Variants in GTF2I observed in about 807,000 individuals in gnomAD.
GTF2I encodes the protein general transcription factor IIi, also known as general transcription factor II-I.
In GTF2I, 12 loss-of-function variants were observed where a neutral mutation model predicts 67.6. The observed-to-expected ratio is 0.18, with a 90% CI of 0.11 to 0.29. The LOEUF is 0.29. Among genes scored for constraint, GTF2I ranks in the 10% least tolerant of loss-of-function variants. The pLI, the probability that GTF2I is intolerant of heterozygous loss-of-function variation, is 1.00. For synonymous variants in GTF2I, 149 were observed against 197.0 expected (o/e 0.76, Z 2.04); for missense variants, 271 against 580.1 (o/e 0.47, Z 5.47).
rs138336623 is a variant in GTF2I at position 74,693,061 on chromosome 7, C to T, written c.238+1950C>T. ...ACAGGCATGAGCCACTGTGCCCGAC[C>T]GGGCATATCTCATTTTTTTTTTTTG... On this transcript the variant is annotated intron_variant, in intron 3 of 34. Transcript: ENST00000573035. Among the ~76,000 whole-genome samples, 33 of 152,104 alleles carry T rather than the reference C, an allele frequency of 2.2e-4. No homozygotes were observed. In the East Asian group the frequency reaches 5.4e-3, roughly 25 times the overall value.
intron 1 of GTF2I, among the ~76,000 whole-genome samples, chr7:74,660,621 C>T (rs1376718755): frequency 1.6e-4 from 20 of 124,510 alleles, no homozygotes; most frequent in East Asian, 4.6e-4. Context: ...CTTTTCTTTT[C>T]TTTTTTTTTT....
At chr7:74,677,502 T>A (rs1354423021) in intron 1 of GTF2I, among the ~76,000 whole-genome samples, 1 of 151,940 alleles carries the variant, frequency 6.6e-6, no homozygotes, top group Non-Finnish European at 1.5e-5. Flanking sequence ...TTAGTGGCTG[T>A]TAATAAAATG....
chr7:74,678,172 G>A (rs1263401111), intron 1 of GTF2I, among the ~76,000 whole-genome samples: 1 of 150,910 alleles, frequency 6.6e-6, no homozygotes, highest in Non-Finnish European at 1.5e-5. Flanking sequence ...CTCCTGTCTC[G>A]GCCTCCCAGA....
intron 3 of GTF2I, among the ~76,000 whole-genome samples, chr7:74,693,902 C>A (rs587618985): frequency 6.6e-6 from 1 of 152,166 alleles, no homozygotes; most frequent in South Asian, 2.1e-4. Flanking sequence ...TCTGAGTGTT[C>A]AAGTGAAAGG....
At chr7:74,724,298 GTTGA>G (rs1342697875) in intron 12 of GTF2I, among the ~76,000 whole-genome samples, 56 of 152,288 alleles carry the variant, frequency 3.7e-4, no homozygotes, top group African/African-American at 1.3e-3. Flanking sequence ...ATTACCTGGT[GTTGA>G]TTGTTTTTTT....
chr7:74,659,438 G>T (rs1331106812), intron 1 of GTF2I, among the ~76,000 whole-genome samples: 1 of 151,726 alleles, frequency 6.6e-6, no homozygotes, highest in Non-Finnish European at 1.5e-5. Flanking sequence ...GGCCCAGGCT[G>T]AAGTGCACTG....
chr7:74,673,704 A>G (rs1182040137), intron 1 of GTF2I, among the ~76,000 whole-genome samples: 5 of 116,752 alleles, frequency 4.3e-5, no homozygotes, highest in African/African-American at 1.7e-4. Context: ...TTTTTTTGAG[A>G]CCAGTCTTGC....
intron 1 of GTF2I, among the ~76,000 whole-genome samples, chr7:74,673,457 C>T (rs1244065882): frequency 6.6e-6 from 1 of 152,114 alleles, no homozygotes; most frequent in Admixed American, 6.6e-5. Flanking sequence ...CCTCAGCTCA[C>T]TGCAACCTCT....
intron 12 of GTF2I, among the ~76,000 whole-genome samples, chr7:74,724,039 A>G (rs1294395728): frequency 6.6e-6 from 1 of 152,134 alleles, no homozygotes; most frequent in Non-Finnish European, 1.5e-5. Flanking sequence ...TTTGCTGTTT[A>G]TTGTTTAATT....
intron 12 of GTF2I, among the ~76,000 whole-genome samples, chr7:74,723,147 G>A (rs1465527051): frequency 2.3e-5 from 3 of 131,984 alleles, no homozygotes; most frequent in African/African-American, 8.2e-5. Context: ...TTTTTGAGAC[G>A]GAGTTTCGCT....
rs781922581 is a variant in GTF2I at position 74,689,238 on chromosome 7, C to G, written c.99+11C>G. On this transcript the variant is annotated intron_variant, in intron 2 of 34. Transcript: ENST00000573035. Reference sequence around the variant, plus strand: ...GCTCTCGAGTCCATGGTGAGGCCTTCTGTTCCATCATTCCATAGTTGGGTA... The same window carrying G: ...GCTCTCGAGTCCATGGTGAGGCCTTGTGTTCCATCATTCCATAGTTGGGTA... 2.0e-6 allele frequency: 3 copies of G among 1,465,456 alleles called. No homozygotes were observed. Among genetic ancestry groups the G allele is most frequent in the Non-Finnish European group, 2.9e-6 (3 of 1,046,366 alleles). The allele number at this position is 1,465,456 out of a possible 1,614,324, so 90.8% of individuals were successfully genotyped here.
intron 1 of GTF2I, among the ~76,000 whole-genome samples, chr7:74,658,618 C>CG (rs1221319611): frequency 6.7e-6 from 1 of 148,528 alleles, no homozygotes; most frequent in African/African-American, 2.5e-5. Context: ...CCAACCGGCG[C>CG]GGGGGCGGGG....
intron 1 of GTF2I, among the ~76,000 whole-genome samples, chr7:74,687,276 G>C (rs1368311737): frequency 6.6e-6 from 1 of 152,072 alleles, no homozygotes; most frequent in East Asian, 1.9e-4. Flanking sequence ...CCAGGCTGGA[G>C]TGCAGCAGCG....
rs6460089 is a variant in GTF2I, at chr7:74,674,866, T to A, written c.-5-14258T>A. Among the ~76,000 whole-genome samples the A allele has an allele frequency of 8.0e-3, 1,186 of 147,654 alleles. 7 individuals are homozygous for A. Among genetic ancestry groups the A allele is most frequent in the Middle Eastern group, 0.015 (4 of 268 alleles). On this transcript the variant is annotated intron_variant, in intron 1 of 34. Coordinates refer to ENST00000573035, the MANE Select transcript of GTF2I (RefSeq NM_032999.4). ...CCAGCCCTCTAATATATATATATAT[T>A]TTTTTGAGACGGAGTTTCACTCTTT...
At chr7:74,706,546 C>A in intron 8 of GTF2I, 113 bp downstream of exon 8, 1 of 778,196 alleles carries the variant, frequency 1.3e-6, no homozygotes, top group Admixed American at 2.0e-5. Flanking sequence ...AAGAGGCAGT[C>A]ACTACTAATG....
intron 3 of GTF2I, among the ~76,000 whole-genome samples, chr7:74,697,496 C>T (rs956716127): frequency 6.6e-6 from 1 of 152,158 alleles, no homozygotes; most frequent in African/African-American, 2.4e-5. Flanking sequence ...TGAATTTGGA[C>T]CAGCCAAGTT....
chr7:74,659,373 G>T (rs907813220), intron 1 of GTF2I, among the ~76,000 whole-genome samples: 16 of 151,968 alleles, frequency 1.1e-4, no homozygotes, highest in African/African-American at 3.1e-4. Context: ...GACTACAGGC[G>T]CATGCCATCA....
intron 3 of GTF2I, among the ~76,000 whole-genome samples, chr7:74,693,334 G>A (rs1788543508): frequency 7.2e-6 from 1 of 139,612 alleles, no homozygotes; most frequent in Non-Finnish European, 1.5e-5. Context: ...GGAGTGCAGT[G>A]GTGCGATCTC....
intron 3 of GTF2I, among the ~76,000 whole-genome samples, chr7:74,695,860 C>A (rs976694272): frequency 6.6e-6 from 1 of 152,156 alleles, no homozygotes; most frequent in Non-Finnish European, 1.5e-5. Context: ...TGCAGCTGTA[C>A]TTATTCTCCC....
Sources: allele counts gnomAD v4.1 joint callset (sites outside exome capture counted in the v4.1 genomes callset), GRCh38; gene constraint gnomAD v4.1.1; transcripts MANE v1.5; gene names NCBI Gene and HGNC (gene_info 2026-07-23, HGNC 2026-07-21).